The following ASTN1 variants were observed in gnomAD, a reference collection of about 807,000 sequenced individuals.
ASTN1 encodes the protein astrotactin-1.
A neutral mutation model predicts 140.7 loss-of-function variants in ASTN1; 41 were observed. The observed-to-expected ratio is 0.29, with a 90% confidence interval of 0.23 to 0.38. The LOEUF is 0.38. ASTN1 is among the 10% of genes least tolerant of loss of function. ASTN1 has a pLI of 1.00. For synonymous variants in ASTN1, 640 were observed against 652.2 expected, an observed-to-expected ratio of 0.98 and a Z score of 0.29; for missense variants, 1,479 against 1,678.8, an observed-to-expected ratio of 0.88 and a Z score of 2.08.
rs543303678 is a variant in ASTN1, at chr1:176,999,846, C to T, written c.1523+14945G>A. Among the ~76,000 whole-genome samples, 6 of 152,242 alleles carry T rather than the reference C, an allele frequency of 3.9e-5. No homozygotes were observed. In the South Asian group the frequency reaches 1.2e-3, roughly 32 times the overall value. ...CCCCTGCTGGCACTTATTCTCTCTC[C>T]TGCCACTGTAAAGAGGTGCCATCCA... On this transcript the variant is annotated intron_variant, in intron 8 of 22. Transcript: ENST00000361833.
chr1:177,129,063 T>G (rs1449130944), intron 1 of ASTN1, among the ~76,000 whole-genome samples: 1 of 152,068 alleles, frequency 6.6e-6, no homozygotes, highest in Non-Finnish European at 1.5e-5. Flanking sequence ...ACCAGACCAA[T>G]AGATGAAGAT....
rs757911047 is a variant in ASTN1, at chr1:176,949,149, T to C, written c.2054+36A>G. ...TGAAAGTCCTGCGTCCTGGGACAGA[T>C]GGACGCCAGGTGGCCTCGCTGGCAG... On this transcript the variant is annotated intron_variant, in intron 12 of 22. Coordinates refer to ENST00000361833, the MANE Select transcript of ASTN1 (RefSeq NM_004319.3). 20 of 1,611,350 alleles carry C rather than the reference T, an allele frequency of 1.2e-5. No homozygotes were observed. In the East Asian group the frequency reaches 3.8e-4, roughly 31 times the overall value.
downstream of ASTN1, chr1:176,857,523 C>G (rs1236513734): frequency 2.2e-6 from 1 of 459,648 alleles, no homozygotes; most frequent in African/African-American, 2.0e-5. Context: ...ACGGAGGAGA[C>G]AGAGGTCATG....
Position 177,164,395 on chromosome 1 carries a change from C to A in ASTN1, c.282G>T (p.Leu94=). The change falls in exon 1 of 23, where the codon CTG becomes CTT. Residue 94 remains leucine, a splice_region_variant and synonymous_variant. Coordinates refer to ENST00000361833, the MANE Select transcript of ASTN1 (RefSeq NM_004319.3). ...LENTELPYFV[L]EISGNTEDIP... ...GCCTCGACCTCCCCCGGGACTCACC[C>A]AGCACGAAGTAGGGCAGCTCCGTGT... 6.3e-7 allele frequency: 1 copy of A among 1,591,554 alleles called. No individual in the cohort carries two copies. Among genetic ancestry groups the A allele is most frequent in the South Asian group, 1.1e-5 (1 of 88,446 alleles).
intron 8 of ASTN1, among the ~76,000 whole-genome samples, chr1:176,984,315 C>A (rs1673780620): frequency 1.3e-5 from 2 of 152,108 alleles, no homozygotes; most frequent in Admixed American, 1.3e-4. Context: ...TTTCCTCTTT[C>A]TCCAATTTTA....
At chr1:177,012,949 G>A (rs1014747898) in intron 8 of ASTN1, among the ~76,000 whole-genome samples, 14 of 152,288 alleles carry the variant, frequency 9.2e-5, no homozygotes, top group South Asian at 2.1e-4. Flanking sequence ...ACAGTCCACC[G>A]CAATTCTTAG....
At chr1:177,070,521 A>G (rs558142568) in intron 1 of ASTN1, among the ~76,000 whole-genome samples, 1 of 152,172 alleles carries the variant, frequency 6.6e-6, no homozygotes, top group Non-Finnish European at 1.5e-5. Flanking sequence ...TCCATTTCTA[A>G]TTAGTTCTCA....
chr1:177,020,361 C>T (rs146867597), intron 7 of ASTN1, among the ~76,000 whole-genome samples: 5 of 152,254 alleles, frequency 3.3e-5, no homozygotes, highest in South Asian at 4.1e-4. Flanking sequence ...TGGAGGCACC[C>T]GGGAGAATCT....
At position 176,934,302 on chromosome 1, in the gene ASTN1, A is replaced by T; in HGVS notation, c.2521T>A (p.Ser841Thr). Residue 841 changes from serine to threonine, a missense_variant, in exon 16 of 23, where the codon TCT (serine) becomes ACT (threonine). Physicochemically the swap from Ser to Thr is moderately conservative, Grantham distance 58 (BLOSUM62 1). Around this residue, in one of 3 missense-constraint regions of ASTN1, gnomAD observed 746 missense variants for 800.9 expected, o/e 0.93. Transcript: ENST00000361833. ...AACAGCGCCACAAAATCTGCACGAG[A>T]TGTAGCCCCATCCAGCGAGTGGAGA... Reference protein sequence around the residue: ...NALHSLDGATSRADFVALLDQ... With the variant: ...NALHSLDGATTRADFVALLDQ... 1.2e-6 allele frequency: 2 copies of T among 1,613,798 alleles called. No homozygotes were observed. Among genetic ancestry groups the T allele is most frequent in the Non-Finnish European group, 1.7e-6 (2 of 1,179,778 alleles).
chr1:177,044,652 A>T (rs1329015742), intron 2 of ASTN1, among the ~76,000 whole-genome samples: 1 of 152,224 alleles, frequency 6.6e-6, no homozygotes, highest in Non-Finnish European at 1.5e-5. Context: ...TGGCTCGATC[A>T]TGCAGGGAAT....
chr1:177,016,575 G>A (rs1484719601), intron 7 of ASTN1, among the ~76,000 whole-genome samples: 2 of 152,158 alleles, frequency 1.3e-5, no homozygotes, highest in East Asian at 1.9e-4. Context: ...GGCAACTACT[G>A]GGGAGGGCAA....
intron 1 of ASTN1, among the ~76,000 whole-genome samples, chr1:177,066,921 A>G (rs1224368264): frequency 6.6e-6 from 1 of 152,188 alleles, no homozygotes; most frequent in African/African-American, 2.4e-5. Context: ...AGGAGGAAGC[A>G]TTAAGTAGTC....
chr1:177,011,793 G>C (rs1038971361), intron 8 of ASTN1, among the ~76,000 whole-genome samples: 3 of 151,876 alleles, frequency 2.0e-5, no homozygotes, highest in Non-Finnish European at 4.4e-5. Flanking sequence ...GGAGGCAGAG[G>C]CTGGGTAAAG....
At chr1:177,000,169 C>T (rs1674657427) in intron 8 of ASTN1, among the ~76,000 whole-genome samples, 1 of 152,188 alleles carries the variant, frequency 6.6e-6, no homozygotes, top group South Asian at 2.1e-4. Flanking sequence ...CTTGAATACA[C>T]TTTGCCTTTT....
chr1:177,121,723 A>C (rs989422657), intron 1 of ASTN1, among the ~76,000 whole-genome samples: 1 of 151,894 alleles, frequency 6.6e-6, no homozygotes, highest in Non-Finnish European at 1.5e-5. Flanking sequence ...TGATTTGCTG[A>C]CCTGAGGGCC....
chr1:176,990,764 GC>G (rs890182496), intron 8 of ASTN1, among the ~76,000 whole-genome samples: 1 of 152,062 alleles, frequency 6.6e-6, no homozygotes, highest in African/African-American at 2.4e-5. Flanking sequence ...CATAAATCAG[GC>G]AAGGAAAGCC....
At chr1:177,074,499 T>A (rs1318763335) in intron 1 of ASTN1, among the ~76,000 whole-genome samples, 1 of 152,196 alleles carries the variant, frequency 6.6e-6, no homozygotes. Flanking sequence ...AGGCTTGGTT[T>A]CTCTGTACAG....
Position 176,861,670 on chromosome 1 carries a change from C to T in ASTN1, c.*2614G>A, listed in dbSNP as rs1667966601. The T allele has an allele frequency of 1.0e-6, 1 of 985,214 alleles. No individual in the cohort carries two copies. The highest frequency in any genetic ancestry group is 6.1e-5 in the Admixed American group (1 of 16,268). 61.0% of individuals were successfully genotyped at this position (985,214 alleles called of 1,614,324 possible). ...AGGAGCCAGTCATAGGAGTTGTGTG[C>T]ATTGTGTGTGCACACGTGTGTGTGT... is the stretch of plus-strand genomic sequence containing the variant. On this transcript the variant is annotated 3_prime_UTR_variant, in exon 23 of 23. Coordinates refer to ENST00000361833, the MANE Select transcript of ASTN1 (RefSeq NM_004319.3).
chr1:177,031,138 T>C (rs1676418767), intron 3 of ASTN1, among the ~76,000 whole-genome samples, 186 bp from the exon 4 acceptor site: 1 of 152,158 alleles, frequency 6.6e-6, no homozygotes, highest in Non-Finnish European at 1.5e-5. Context: ...TGCAAAGTTA[T>C]GGGAGAAGCA....
Sources: allele counts gnomAD v4.1 joint callset (sites outside exome capture counted in the v4.1 genomes callset), GRCh38; gene constraint gnomAD v4.1.1; regional missense constraint gnomAD v4.1.1; transcripts MANE v1.5; gene names NCBI Gene and HGNC (gene_info 2026-07-23, HGNC 2026-07-21).